ITPR2: variants seen among roughly 807,000 people sequenced by gnomAD.
The protein encoded by ITPR2 is inositol 1,4,5-trisphosphate receptor type 2, also known as inositol 1,4,5-trisphosphate-gated calcium channel ITPR2.
In ITPR2, 207 loss-of-function variants were observed where a neutral mutation model predicts 317.1. The observed-to-expected ratio is 0.65, with a 90% CI of 0.58 to 0.73. The LOEUF is 0.73. ITPR2 is among the 30% of genes least tolerant of loss of function. The pLI, the probability that ITPR2 is intolerant of heterozygous loss-of-function variation, is 0.00. For synonymous variants in ITPR2, 1,156 were observed against 1,149.1 expected (o/e 1.01, Z -0.12); for missense variants, 2,613 against 3,284.0 (o/e 0.80, Z 4.99).
chr12:26,675,228 T>C (rs11048642), intron 13 of ITPR2, among the ~76,000 whole-genome samples: 51,980 of 151,512 alleles, frequency 0.34, 9,752 homozygotes, highest in East Asian at 0.64. Flanking sequence ...AATCATGCTG[T>C]TATAAAGACA....
intron 19 of ITPR2, 121 bp downstream of exon 19, chr12:26,656,176 T>A (rs906908948): frequency 1.5e-6 from 2 of 1,294,454 alleles, no homozygotes; most frequent in African/African-American, 3.0e-5. Context: ...ATTTAGAAGA[T>A]TAACAACCCA....
chr12:26,528,765 A>T (rs1455665849), intron 37 of ITPR2, among the ~76,000 whole-genome samples: 1 of 152,204 alleles, frequency 6.6e-6, no homozygotes, highest in Non-Finnish European at 1.5e-5. Context: ...CAGGAATAGG[A>T]GTAATTCCAT....
At chr12:26,371,409 G>A (rs540577677) in intron 55 of ITPR2, among the ~76,000 whole-genome samples, 33 of 152,182 alleles carry the variant, frequency 2.2e-4, no homozygotes, top group Admixed American at 3.9e-4. Flanking sequence ...TAGGTACTGG[G>A]GAAACAGTTA....
intron 11 of ITPR2, among the ~76,000 whole-genome samples, chr12:26,685,464 G>A (rs766745263): frequency 1.3e-4 from 20 of 152,112 alleles, no homozygotes; most frequent in African/African-American, 2.2e-4. Flanking sequence ...GAGCATGGTG[G>A]TGCATGCCTA....
At chr12:26,794,974 A>G (rs1002311613) in intron 1 of ITPR2, among the ~76,000 whole-genome samples, 2 of 152,244 alleles carry the variant, frequency 1.3e-5, no homozygotes, top group Non-Finnish European at 2.9e-5. Flanking sequence ...AGACACTCCA[A>G]TATTTTTTAC....
chr12:26,543,437 T>A (rs1454019983), intron 37 of ITPR2, among the ~76,000 whole-genome samples: 6 of 151,920 alleles, frequency 3.9e-5, no homozygotes, highest in African/African-American at 1.5e-4. Context: ...AAAGAGAGTG[T>A]CATGGAAATA....
chr12:26,651,009 T>C (rs754921671), intron 21 of ITPR2, among the ~76,000 whole-genome samples: 2 of 152,228 alleles, frequency 1.3e-5, no homozygotes, highest in Admixed American at 1.3e-4. Flanking sequence ...CCATTTGCTT[T>C]CGTGGTTCCT....
chr12:26,401,081 T>C (rs915309811), intron 52 of ITPR2, among the ~76,000 whole-genome samples: 1 of 151,852 alleles, frequency 6.6e-6, no homozygotes, highest in African/African-American at 2.4e-5. Context: ...AATCAAAAAT[T>C]AGCCAGGCAT....
intron 45 of ITPR2, among the ~76,000 whole-genome samples, chr12:26,463,054 A>T (rs1942078143): frequency 6.6e-6 from 1 of 152,190 alleles, no homozygotes; most frequent in Non-Finnish European, 1.5e-5. Flanking sequence ...ATGCAAGTAC[A>T]CACATAAACC....
At chr12:26,531,656 C>CAA (rs2136960812) in intron 37 of ITPR2, among the ~76,000 whole-genome samples, 1 of 91,424 alleles carries the variant, frequency 1.1e-5, no homozygotes, top group Admixed American at 1.5e-4. Context: ...ACTGTATTTA[C>CAA]ACACACACAC....
chr12:26,619,956 A>G (rs1187715035), intron 26 of ITPR2, among the ~76,000 whole-genome samples: 1 of 152,208 alleles, frequency 6.6e-6, no homozygotes, highest in Non-Finnish European at 1.5e-5. Context: ...GAAGTCACAC[A>G]TATACCAAGT....
chr12:26,758,156 C>A (rs549727453), intron 2 of ITPR2, among the ~76,000 whole-genome samples: 1 of 152,276 alleles, frequency 6.6e-6, no homozygotes, highest in African/African-American at 2.4e-5. Flanking sequence ...ATCCCCTTTT[C>A]TCTTACCTTT....
At chr12:26,731,394 A>T (rs771219606) in intron 2 of ITPR2, among the ~76,000 whole-genome samples, 3 of 152,218 alleles carry the variant, frequency 2.0e-5, no homozygotes, top group Non-Finnish European at 4.4e-5. Flanking sequence ...ATGGTCTCTG[A>T]AACAGAAGAG....
chr12:26,589,570 C>T (rs960181686), intron 32 of ITPR2, among the ~76,000 whole-genome samples: 6 of 151,048 alleles, frequency 4.0e-5, no homozygotes, highest in Admixed American at 4.0e-4. Flanking sequence ...GGGCAGATCA[C>T]GAGGTCAGGG....
rs571545809 is a variant in ITPR2, at chr12:26,569,424, C to T, written c.4631-7472G>A. 7.9e-5 allele frequency among the ~76,000 whole-genome samples: 12 copies of T among 151,632 alleles called. No individual in the cohort carries two copies. In the East Asian group the frequency reaches 1.5e-3, roughly 20 times the overall value. ...CAAAAATTAGCCGGGTGTGGCAGCA[C>T]GTGCCTATAGTCCCAGCTACTCGGG... On this transcript the variant is annotated intron_variant, in intron 34 of 56. Transcript: ENST00000381340.
At chr12:26,698,349 G>A (rs529105562) in intron 9 of ITPR2, among the ~76,000 whole-genome samples, 20 of 152,106 alleles carry the variant, frequency 1.3e-4, no homozygotes, top group Non-Finnish European at 2.2e-4. Context: ...ACTAAATGTG[G>A]CATATTCAAA....
chr12:26,498,169 T>C (rs1008793409), intron 37 of ITPR2, among the ~76,000 whole-genome samples: 2 of 152,258 alleles, frequency 1.3e-5, no homozygotes, highest in Admixed American at 1.3e-4. Context: ...TTTCTTTCTT[T>C]AAGACCTCTT....
intron 26 of ITPR2, among the ~76,000 whole-genome samples, chr12:26,603,674 G>A (rs978176221): frequency 3.3e-5 from 5 of 152,204 alleles, no homozygotes; most frequent in African/African-American, 4.8e-5. Flanking sequence ...ACAAGTTTAC[G>A]AAGGAGGTCA....
rs1335431687 is a variant in ITPR2, at chr12:26,784,347, C to T, written c.163+5810G>A. ...TCTCCCTCTCCCTCTCCCTCTCCCT[C>T]TCCCTCTCCCTCTCCCTCCACGGTC... On this transcript the variant is annotated intron_variant, in intron 2 of 56. Coordinates refer to ENST00000381340, the MANE Select transcript of ITPR2 (RefSeq NM_002223.4). Among the ~76,000 whole-genome samples the T allele has an allele frequency of 8.5e-5, 4 of 47,062 alleles. 1 individual carries two copies. Among genetic ancestry groups the T allele is most frequent in the African/African-American group, 1.9e-4 (4 of 20,552 alleles). The allele number at this position is 47,062 out of a possible 152,430, so 30.9% of individuals were successfully genotyped here.
Sources: allele counts gnomAD v4.1 joint callset (sites outside exome capture counted in the v4.1 genomes callset), GRCh38; gene constraint gnomAD v4.1.1; transcripts MANE v1.5; gene names NCBI Gene and HGNC (gene_info 2026-07-23, HGNC 2026-07-21).